MCM9: variants seen among roughly 807,000 people sequenced by gnomAD.
MCM9 encodes the protein minichromosome maintenance 9 homologous recombination repair factor.
Under a neutral mutation model 72.8 loss-of-function variants are expected in MCM9, and 55 were observed. The observed-to-expected ratio is 0.76, with a 90% CI of 0.61 to 0.95. The LOEUF (loss-of-function observed/expected upper bound fraction) is 0.95, where lower values mean the gene tolerates loss of function less well. Ranked by LOEUF, MCM9 falls within the 40% of genes least tolerant of loss-of-function variation. MCM9 has a pLI of 0.00. For synonymous variants in MCM9, 480 were observed against 503.4 expected, an observed-to-expected ratio of 0.95 and a Z score of 0.62; for missense variants, 1,279 against 1,377.0, an observed-to-expected ratio of 0.93 and a Z score of 1.13.
Position 118,815,975 on chromosome 6 carries a change from C to A in MCM9, c.2281G>T (p.Val761Leu). ...HQSEPKNTVV[V>L]SPHPKTSGEN... ...CCAGATGTTTTGGGATGAGGAGACA[C>A]AACAACAGTGTTTTTAGGTTCACTC... is the stretch of plus-strand genomic sequence containing the variant. The change falls in exon 14 of 14, where the codon GTG becomes TTG. Residue 761 changes from valine to leucine, a missense_variant. Coordinates refer to ENST00000619706, the MANE Select transcript of MCM9 (RefSeq NM_017696.3). 2 of 1,550,490 alleles carry A rather than the reference C, an allele frequency of 1.3e-6. No homozygotes were observed. Among genetic ancestry groups the A allele is most frequent in the Non-Finnish European group, 1.7e-6 (2 of 1,146,950 alleles).
rs1319963856 is a variant in MCM9 at position 118,814,817 on chromosome 6, T to A, written c.*7A>T. The A allele has an allele frequency of 2.7e-6, 4 of 1,484,722 alleles. No homozygotes were observed. In the East Asian group the frequency reaches 9.9e-5, roughly 37 times the overall value. The allele number at this position is 1,484,722 out of a possible 1,614,324, so 92.0% of individuals were successfully genotyped here. Reference sequence around the variant, plus strand: ...AAGGTGAGATTTGACCAGAAAGCTTTTCCCAACTATGACTTTTTTCTCATC... The same window carrying A: ...AAGGTGAGATTTGACCAGAAAGCTTATCCCAACTATGACTTTTTTCTCATC... On this transcript the variant is annotated 3_prime_UTR_variant, in exon 14 of 14. Coordinates refer to ENST00000619706, the MANE Select transcript of MCM9 (RefSeq NM_017696.3).
At chr6:118,906,820 G>A (rs1780210636) in intron 8 of MCM9, among the ~76,000 whole-genome samples, 1 of 152,178 alleles carries the variant, frequency 6.6e-6, no homozygotes, top group East Asian at 1.9e-4. Context: ...AAAATTACAT[G>A]ACAATAGAAT....
At chr6:118,908,452 C>CT (rs1403371012) in intron 8 of MCM9, 1 of 151,988 alleles carries the variant, frequency 6.6e-6, no homozygotes, top group Admixed American at 6.6e-5. Context: ...TTTAAAAATT[C>CT]TTTTAATAGA....
chr6:118,864,515 A>G (rs898695885), intron 8 of MCM9, among the ~76,000 whole-genome samples: 2 of 152,080 alleles, frequency 1.3e-5, no homozygotes. Flanking sequence ...GTTCCCTCCG[A>G]GAGAAAGTCA....
intron 8 of MCM9, among the ~76,000 whole-genome samples, chr6:118,897,144 T>C (rs1779477465): frequency 6.6e-6 from 1 of 152,140 alleles, no homozygotes; most frequent in African/African-American, 2.4e-5. Flanking sequence ...GCCCAAACTA[T>C]AGAATATTTT....
chr6:118,895,066 G>A (rs1281254209), intron 8 of MCM9, among the ~76,000 whole-genome samples: 1 of 152,186 alleles, frequency 6.6e-6, no homozygotes, highest in Non-Finnish European at 1.5e-5. Context: ...AGAGCTCACG[G>A]TGGAGTCGCC....
chr6:118,845,951 A>T (rs1583416109), intron 9 of MCM9, among the ~76,000 whole-genome samples: 3 of 151,912 alleles, frequency 2.0e-5, no homozygotes, highest in South Asian at 4.1e-4. Flanking sequence ...GATATGAACA[A>T]ATCTCATTCC....
At chr6:118,849,806 A>G (rs1422011646) in intron 9 of MCM9, among the ~76,000 whole-genome samples, 8 of 151,848 alleles carry the variant, frequency 5.3e-5, no homozygotes. Context: ...GCAGTTTGCT[A>G]TCTTTTGGAT....
intron 3 of MCM9, among the ~76,000 whole-genome samples, chr6:118,930,531 T>A (rs1429279330): frequency 6.6e-6 from 1 of 152,260 alleles, no homozygotes; most frequent in Non-Finnish European, 1.5e-5. Flanking sequence ...TAAATAGAAT[T>A]AATTTGTACC....
intron 8 of MCM9, among the ~76,000 whole-genome samples, chr6:118,904,399 C>A (rs1458354249): frequency 6.6e-6 from 1 of 152,204 alleles, no homozygotes; most frequent in African/African-American, 2.4e-5. Flanking sequence ...AAGTGCTCAT[C>A]TAGGCCCAGG....
At chr6:118,915,542 C>A (rs892940835) in intron 6 of MCM9, among the ~76,000 whole-genome samples, 2 of 152,180 alleles carry the variant, frequency 1.3e-5, no homozygotes, top group African/African-American at 4.8e-5. Context: ...CTAGGTTCAT[C>A]CTAGCCAGTA....
chr6:118,816,948 G>C (rs1248501534), intron 13 of MCM9, among the ~76,000 whole-genome samples: 10 of 152,176 alleles, frequency 6.6e-5, no homozygotes, highest in Non-Finnish European at 1.3e-4. Context: ...CAAAGCCCAG[G>C]CATGTTTAAA....
chr6:118,924,447 G>A (rs1781708012), intron 3 of MCM9, among the ~76,000 whole-genome samples: 2 of 152,028 alleles, frequency 1.3e-5, no homozygotes, highest in Admixed American at 1.3e-4. Flanking sequence ...ATCTCAGTAG[G>A]ATCTAAAGTA....
At chr6:118,829,291 A>C in intron 9 of MCM9, 41 bp from the exon 10 acceptor site, 1 of 1,502,828 alleles carries the variant, frequency 6.7e-7, no homozygotes, top group Admixed American at 2.2e-5. Flanking sequence ...TGTGAGGTTC[A>C]GATAAAATGC....
chr6:118,932,909 C>T (rs1473971537), intron 1 of MCM9, among the ~76,000 whole-genome samples, 169 bp from the exon 2 acceptor site: 1 of 152,208 alleles, frequency 6.6e-6, no homozygotes, highest in Non-Finnish European at 1.5e-5. Flanking sequence ...AAGCACCTAT[C>T]CCCATTCTAG....
intron 9 of MCM9, among the ~76,000 whole-genome samples, chr6:118,855,995 G>C (rs1024734402): frequency 6.6e-6 from 1 of 152,162 alleles, no homozygotes; most frequent in Non-Finnish European, 1.5e-5. Context: ...TGGAAACTAT[G>C]ATTTCTTTTT....
chr6:118,860,328 T>C (rs1776822213), intron 8 of MCM9, among the ~76,000 whole-genome samples: 2 of 152,158 alleles, frequency 1.3e-5, no homozygotes, highest in African/African-American at 4.8e-5. Context: ...AAAAACACTC[T>C]AACAAAGATA....
chr6:118,857,105 G>A (rs962397709), intron 8 of MCM9, among the ~76,000 whole-genome samples: 2 of 152,152 alleles, frequency 1.3e-5, no homozygotes, highest in African/African-American at 2.4e-5. Context: ...CAAATTTTCT[G>A]TCTCTCCTTG....
intron 9 of MCM9, among the ~76,000 whole-genome samples, chr6:118,855,653 C>T (rs966934996): frequency 1.3e-5 from 2 of 152,180 alleles, no homozygotes; most frequent in African/African-American, 4.8e-5. Context: ...GCAGCCCTAC[C>T]TGTCTGATCA....
Sources: allele counts gnomAD v4.1 joint callset (sites outside exome capture counted in the v4.1 genomes callset), GRCh38; gene constraint gnomAD v4.1.1; transcripts MANE v1.5; gene names NCBI Gene and HGNC (gene_info 2026-07-23, HGNC 2026-07-21).